WWOX: variants seen among roughly 807,000 people sequenced by gnomAD.
The protein encoded by WWOX is WW domain-containing oxidoreductase.
Under a neutral mutation model 46.2 loss-of-function variants are expected in WWOX, and 69 were observed. The observed-to-expected ratio is 1.49, with a 90% confidence interval of 1.23 to 1.82. The LOEUF is 1.82. Among genes scored for constraint, WWOX ranks in the 40% most tolerant of loss-of-function variants. The pLI is 0.00. For synonymous variants in WWOX, 359 were observed against 202.6 expected, an observed-to-expected ratio of 1.77 and a Z score of -6.56; for missense variants, 919 against 542.6, an observed-to-expected ratio of 1.69 and a Z score of -6.89.
At chr16:78,818,289 A>C (rs1406142677) in intron 8 of WWOX, among the ~76,000 whole-genome samples, 1 of 152,156 alleles carries the variant, frequency 6.6e-6, no homozygotes, top group African/African-American at 2.4e-5. Flanking sequence ...CAGTGTGGAC[A>C]AGTTCCAGCT....
intron 8 of WWOX, among the ~76,000 whole-genome samples, chr16:79,069,854 C>T (rs1567528827): frequency 6.6e-5 from 10 of 152,192 alleles, no homozygotes; most frequent in Admixed American, 4.6e-4. Context: ...CTATGTAAAC[C>T]AACTTTGGCC....
chr16:78,638,548 G>C (rs2046630515), intron 8 of WWOX, among the ~76,000 whole-genome samples: 1 of 152,048 alleles, frequency 6.6e-6, no homozygotes, highest in Non-Finnish European at 1.5e-5. Context: ...TTTTCTGAAT[G>C]ACCCTGTTAA....
At chr16:78,648,678 C>G (rs979377987) in intron 8 of WWOX, among the ~76,000 whole-genome samples, 2 of 152,172 alleles carry the variant, frequency 1.3e-5, no homozygotes, top group Admixed American at 6.5e-5. Flanking sequence ...GGGAGCCCAC[C>G]TCCGGCTTCC....
intron 5 of WWOX, chr16:78,167,651 T>C (rs898540048): frequency 6.6e-6 from 1 of 152,226 alleles, no homozygotes; most frequent in Non-Finnish European, 1.5e-5. Context: ...CATTATATTG[T>C]GTTCCTCATT....
intron 8 of WWOX, among the ~76,000 whole-genome samples, chr16:79,034,121 A>T (rs1024836352): frequency 6.6e-6 from 1 of 152,122 alleles, no homozygotes; most frequent in South Asian, 2.1e-4. Context: ...GCCTTTTATT[A>T]TGCACTCTTG....
intron 8 of WWOX, among the ~76,000 whole-genome samples, chr16:79,103,890 G>A (rs1412607020): frequency 6.6e-6 from 1 of 152,062 alleles, no homozygotes; most frequent in African/African-American, 2.4e-5. Context: ...AAACCAGGTG[G>A]CTCTGTCCTT....
intron 8 of WWOX, among the ~76,000 whole-genome samples, chr16:78,705,460 C>T (rs1453867853): frequency 1.3e-5 from 2 of 152,166 alleles, no homozygotes; most frequent in Non-Finnish European, 2.9e-5. Context: ...GAGGCTCCTT[C>T]TTTGTTCTGT....
intron 8 of WWOX, among the ~76,000 whole-genome samples, chr16:79,193,466 C>T (rs921196231): frequency 1.3e-5 from 2 of 152,204 alleles, no homozygotes; most frequent in Non-Finnish European, 2.9e-5. Flanking sequence ...CCGGGCAGTA[C>T]TGCTGGGTCT....
intron 5 of WWOX, among the ~76,000 whole-genome samples, chr16:78,314,701 G>GTTTTTTTTGTTTT (rs2080322682): frequency 1.6e-5 from 1 of 61,312 alleles, no homozygotes; most frequent in African/African-American, 7.5e-5. Flanking sequence ...TTTTTTTTTT[G>GTTTTTTTTGTTTT]TTTTTTTTTT....
intron 8 of WWOX, among the ~76,000 whole-genome samples, chr16:78,883,647 C>T (rs2044389828): frequency 1.3e-5 from 2 of 151,866 alleles, no homozygotes; most frequent in African/African-American, 4.8e-5. Context: ...TTGCTTGAAT[C>T]CAGGAGATGG....
chr16:78,444,888 G>A (rs2083523012), intron 8 of WWOX, among the ~76,000 whole-genome samples: 1 of 152,162 alleles, frequency 6.6e-6, no homozygotes, highest in African/African-American at 2.4e-5. Flanking sequence ...TCACTCAAAT[G>A]CTGCTGTTAC....
intron 8 of WWOX, chr16:78,873,128 C>G (rs1410363316): frequency 2.0e-5 from 3 of 152,154 alleles, no homozygotes; most frequent in East Asian, 1.9e-4. Flanking sequence ...AGTCCTTTTT[C>G]TCTTCCTCCA....
rs367621418 is a variant in WWOX at position 78,960,971 on chromosome 16, A to G, written c.1057-250637A>G. ...TAGCTTTCTGGAAAGAGAAGAATCT[A>G]TAATGTATTCTCCATGGAGTATCTT... On this transcript the variant is annotated intron_variant, in intron 8 of 8. Transcript: ENST00000566780. Among the ~76,000 whole-genome samples the G allele has an allele frequency of 4.6e-4, 70 of 152,288 alleles. 1 individual carries two copies. The highest frequency in any genetic ancestry group is 1.2e-3 in the African/African-American group (51 of 41,578).
intron 5 of WWOX, among the ~76,000 whole-genome samples, chr16:78,171,057 C>T (rs2035140687): frequency 6.6e-6 from 1 of 152,194 alleles, no homozygotes; most frequent in African/African-American, 2.4e-5. Context: ...CATTGATTAG[C>T]ATCGGAAATA....
At chr16:78,866,734 G>A (rs1183883834) in intron 8 of WWOX, among the ~76,000 whole-genome samples, 2 of 152,308 alleles carry the variant, frequency 1.3e-5, no homozygotes, top group African/African-American at 2.4e-5. Context: ...AATAAACCAG[G>A]AATGCACTGT....
intron 8 of WWOX, among the ~76,000 whole-genome samples, chr16:79,102,869 A>G (rs574109288): frequency 3.9e-4 from 60 of 152,198 alleles, no homozygotes; most frequent in Non-Finnish European, 2.9e-5. Flanking sequence ...GAAGGGCAGA[A>G]TGTCCTGTGT....
intron 8 of WWOX, among the ~76,000 whole-genome samples, chr16:78,578,254 T>TTTTATATATA (rs1462537260): frequency 4.7e-4 from 15 of 31,646 alleles, no homozygotes; most frequent in South Asian, 2.0e-3. Context: ...ATACCAAATT[T>TTTTATATATA]TATATATATA....
chr16:78,733,198 A>T (rs933343910), intron 8 of WWOX, among the ~76,000 whole-genome samples: 2 of 152,228 alleles, frequency 1.3e-5, no homozygotes, highest in Admixed American at 1.3e-4. Context: ...TACTAAAGTA[A>T]ATAGAAGAGC....
intron 8 of WWOX, among the ~76,000 whole-genome samples, chr16:78,698,195 A>G (rs2048140403): frequency 6.6e-6 from 1 of 152,216 alleles, no homozygotes; most frequent in Non-Finnish European, 1.5e-5. Flanking sequence ...CATTCTGAAC[A>G]AGGTCAGACA....
Sources: allele counts gnomAD v4.1 joint callset (sites outside exome capture counted in the v4.1 genomes callset), GRCh38; gene constraint gnomAD v4.1.1; transcripts MANE v1.5; gene names NCBI Gene and HGNC (gene_info 2026-07-23, HGNC 2026-07-21).